Variants in SLC35F4 observed in about 807,000 individuals in gnomAD.
SLC35F4 encodes the protein solute carrier family 35 member F4.
SLC35F4 carries 24 observed loss-of-function variants against 44.2 expected under a neutral mutation model. That is an observed-to-expected ratio of 0.54 (90% CI 0.39 to 0.76). The LOEUF is 0.76. Among genes scored for constraint, SLC35F4 ranks in the 30% least tolerant of loss-of-function variants. SLC35F4 has a pLI of 0.00. For missense variants in SLC35F4, 562 were observed against 586.1 expected (o/e 0.96, Z 0.42); for synonymous variants, 238 against 223.6 (o/e 1.06, Z -0.57).
intron 1 of SLC35F4, among the ~76,000 whole-genome samples, chr14:57,703,461 T>A (rs1334221232): frequency 6.6e-6 from 1 of 152,200 alleles, no homozygotes; most frequent in Non-Finnish European, 1.5e-5. Context: ...CAAATGTGAG[T>A]AATCCCCTTG....
At chr14:57,665,130 G>A (rs770178338) in intron 1 of SLC35F4, among the ~76,000 whole-genome samples, 4 of 142,424 alleles carry the variant, frequency 2.8e-5, no homozygotes, top group African/African-American at 7.6e-5. Context: ...CCGCCCTCCC[G>A]CCCACCACCA....
chr14:57,873,181 A>G (rs1389243670), intron 1 of SLC35F4, among the ~76,000 whole-genome samples: 7 of 152,132 alleles, frequency 4.6e-5, no homozygotes, highest in Non-Finnish European at 8.8e-5. Flanking sequence ...AGAACTTCGT[A>G]TGTCCCCCTG....
At chr14:57,961,800 T>C (rs888036471) in intron 1 of SLC35F4, among the ~76,000 whole-genome samples, 1 of 152,200 alleles carries the variant, frequency 6.6e-6, no homozygotes, top group African/African-American at 2.4e-5. Context: ...TTTTCATTCC[T>C]CAAGCCTCAG....
At chr14:57,782,010 A>G (rs1055188687) in intron 1 of SLC35F4, among the ~76,000 whole-genome samples, 1 of 152,192 alleles carries the variant, frequency 6.6e-6, no homozygotes, top group Non-Finnish European at 1.5e-5. Context: ...TCAAACCCCC[A>G]TGACACAAGT....
chr14:57,914,738 CCA>C (rs1392257973), intron 1 of SLC35F4, among the ~76,000 whole-genome samples: 3 of 152,174 alleles, frequency 2.0e-5, no homozygotes, highest in African/African-American at 7.2e-5. Context: ...ACTCCATGTC[CCA>C]CATCTTGGAT....
intron 1 of SLC35F4, among the ~76,000 whole-genome samples, chr14:57,965,385 C>T (rs576026223): frequency 1.3e-5 from 2 of 152,098 alleles, no homozygotes; most frequent in African/African-American, 4.8e-5. Flanking sequence ...TAAATTGGGC[C>T]CACCCACCCA....
At chr14:57,870,231 T>C, upstream of SLC35F4, among the ~76,000 whole-genome samples, 1 of 151,756 alleles carries the variant, frequency 6.6e-6, no homozygotes, top group Admixed American at 6.6e-5. Flanking sequence ...TGTGTGTGTC[T>C]GTCTATCTCT....
At chr14:57,612,728 T>G (rs998535430) in intron 1 of SLC35F4, among the ~76,000 whole-genome samples, 1 of 152,232 alleles carries the variant, frequency 6.6e-6, no homozygotes, top group South Asian at 2.1e-4. Flanking sequence ...GTAACTTTAA[T>G]GTGCATATGT....
intron 2 of SLC35F4, among the ~76,000 whole-genome samples, chr14:57,592,249 T>C (rs2070236403): frequency 6.6e-6 from 1 of 152,256 alleles, no homozygotes; most frequent in African/African-American, 2.4e-5. Context: ...TTGTATGGCA[T>C]TGAGTACATT....
chr14:57,738,748 C>CATATATATATAT (rs36212594), intron 1 of SLC35F4, among the ~76,000 whole-genome samples: 133 of 110,248 alleles, frequency 1.2e-3, no homozygotes, highest in Non-Finnish European at 1.8e-3. Context: ...TTTGAATTTT[C>CATATATATATAT]ATATATATAT....
chr14:57,912,924 T>TC (rs1477672202), intron 1 of SLC35F4, among the ~76,000 whole-genome samples: 1 of 152,120 alleles, frequency 6.6e-6, no homozygotes, highest in East Asian at 1.9e-4. Flanking sequence ...TCGGTTTCTT[T>TC]CCTCACATAT....
chr14:57,900,257 C>G (rs1353901639), intron 1 of SLC35F4, among the ~76,000 whole-genome samples: 3 of 152,228 alleles, frequency 2.0e-5, no homozygotes, highest in African/African-American at 7.2e-5. Context: ...AACTTTCAAC[C>G]TCATCTCCAG....
chr14:57,744,763 A>C (rs1398796076), intron 1 of SLC35F4, among the ~76,000 whole-genome samples: 2 of 152,204 alleles, frequency 1.3e-5, no homozygotes, highest in African/African-American at 4.8e-5. Flanking sequence ...TATGGAACCA[A>C]AAAAGGCCCA....
intron 6 of SLC35F4, among the ~76,000 whole-genome samples, chr14:57,569,317 C>T (rs1034001033): frequency 4.6e-5 from 7 of 152,146 alleles, no homozygotes; most frequent in Non-Finnish European, 7.4e-5. Flanking sequence ...TTTCCAGGCT[C>T]TTCCCAATCT....
At position 57,601,676 on chromosome 14, in the gene SLC35F4, T is replaced by C. The variant is rs116577194; in HGVS notation, c.104-7552A>G. Among the ~76,000 whole-genome samples the C allele has an allele frequency of 4.3e-3, 650 of 152,334 alleles. 3 individuals are homozygous for C. Among genetic ancestry groups the C allele is most frequent in the African/African-American group, 0.015 (633 of 41,572 alleles). Reference sequence around the variant, plus strand: ...TATAAACATCTTATCCCTAAAATAGTAGTAATCTATCTAGAATACAATTTA... The same window carrying C: ...TATAAACATCTTATCCCTAAAATAGCAGTAATCTATCTAGAATACAATTTA... On this transcript the variant is annotated intron_variant, in intron 1 of 7. Transcript: ENST00000556826.
chr14:57,566,440 G>A, intron 7 of SLC35F4, 35 bp downstream of exon 7: 1 of 1,550,456 alleles, frequency 6.4e-7, no homozygotes, highest in Non-Finnish European at 8.8e-7. Flanking sequence ...GACTTGTAGT[G>A]GCCAGGATCT....
chr14:57,901,397 A>G (rs1888998580), intron 1 of SLC35F4, among the ~76,000 whole-genome samples: 1 of 152,218 alleles, frequency 6.6e-6, no homozygotes, highest in African/African-American at 2.4e-5. Context: ...GGAAGCCGTT[A>G]TTGCCAGCAA....
At chr14:57,926,123 T>C (rs1326886437) in intron 1 of SLC35F4, among the ~76,000 whole-genome samples, 1 of 152,206 alleles carries the variant, frequency 6.6e-6, no homozygotes, top group Non-Finnish European at 1.5e-5. Context: ...AGTAAGTAAA[T>C]GCTACAGAGG....
intron 1 of SLC35F4, among the ~76,000 whole-genome samples, chr14:57,879,340 C>G (rs1345145777): frequency 6.6e-6 from 1 of 152,090 alleles, no homozygotes; most frequent in African/African-American, 2.4e-5. Flanking sequence ...AGACTCATTC[C>G]TTACCCTCGA....
Sources: gnomAD v4.1 joint callset for allele counts (sites outside exome capture counted in the v4.1 genomes callset) on GRCh38, gnomAD v4.1.1 for gene constraint, MANE v1.5 for transcripts, NCBI Gene and HGNC (gene_info 2026-07-23, HGNC 2026-07-21) for gene names.